SEMA6D: variants seen among roughly 807,000 people sequenced by gnomAD.
The protein encoded by SEMA6D is semaphorin-6D.
In SEMA6D, 35 loss-of-function variants were observed where a neutral mutation model predicts 106.6. That is an observed-to-expected ratio of 0.33 (90% CI 0.25 to 0.44). SEMA6D has a LOEUF of 0.44. Ranked by LOEUF, SEMA6D falls within the 20% of genes least tolerant of loss-of-function variation. SEMA6D has a pLI of 1.00. For missense variants in SEMA6D, 1,185 were observed against 1,345.9 expected (o/e 0.88, Z 1.87); for synonymous variants, 499 against 487.7 (o/e 1.02, Z -0.31).
chr15:47,374,236 T>C (rs2039372886), intron 1 of SEMA6D, among the ~76,000 whole-genome samples: 1 of 152,116 alleles, frequency 6.6e-6, no homozygotes, highest in Non-Finnish European at 1.5e-5. Context: ...GAGAAAACAA[T>C]GGGATGAGAA....
intron 3 of SEMA6D, among the ~76,000 whole-genome samples, chr15:47,571,598 G>A (rs1441794461): frequency 1.3e-5 from 2 of 152,214 alleles, no homozygotes; most frequent in East Asian, 3.8e-4. Flanking sequence ...CTATTTTGTG[G>A]CTGGGATGGT....
At chr15:47,294,062 T>G (rs1219011747) in intron 1 of SEMA6D, among the ~76,000 whole-genome samples, 1 of 152,134 alleles carries the variant, frequency 6.6e-6, no homozygotes, top group Non-Finnish European at 1.5e-5. Context: ...TCCAACATTC[T>G]TAAGAACTGC....
At chr15:47,206,521 C>T (rs1431868172) in intron 1 of SEMA6D, among the ~76,000 whole-genome samples, 1 of 152,214 alleles carries the variant, frequency 6.6e-6, no homozygotes, top group African/African-American at 2.4e-5. Flanking sequence ...CTATCAGCTT[C>T]CTTCCAGCCT....
intron 8 of SEMA6D, among the ~76,000 whole-genome samples, chr15:47,762,618 A>G (rs537761466): frequency 1.8e-4 from 27 of 152,320 alleles, no homozygotes; most frequent in African/African-American, 6.0e-4. Flanking sequence ...ACTACTTGCC[A>G]TCTACCCATC....
intron 4 of SEMA6D, among the ~76,000 whole-genome samples, chr15:47,658,520 A>G (rs1053205636): frequency 3.3e-5 from 5 of 152,208 alleles, no homozygotes; most frequent in Admixed American, 2.6e-4. Context: ...AAGACCCCTG[A>G]ATTTAAGTTT....
chr15:47,662,043 C>T (rs1490138025), intron 4 of SEMA6D, among the ~76,000 whole-genome samples: 1 of 152,134 alleles, frequency 6.6e-6, no homozygotes, highest in African/African-American at 2.4e-5. Context: ...ATCTGACTTG[C>T]CTCACTGGAA....
chr15:47,533,605 G>T (rs2045051549), intron 3 of SEMA6D, among the ~76,000 whole-genome samples: 1 of 152,190 alleles, frequency 6.6e-6, no homozygotes, highest in South Asian at 2.1e-4. Flanking sequence ...GCCGAGATGA[G>T]CTGTCAGGGT....
At chr15:47,345,868 G>T (rs1172490918) in intron 1 of SEMA6D, among the ~76,000 whole-genome samples, 2 of 152,112 alleles carry the variant, frequency 1.3e-5, no homozygotes, top group African/African-American at 4.8e-5. Context: ...ATTTGGGAGT[G>T]ATCAATATGT....
intron 3 of SEMA6D, among the ~76,000 whole-genome samples, chr15:47,555,669 C>T (rs1416136606): frequency 6.6e-6 from 1 of 152,020 alleles, no homozygotes; most frequent in Non-Finnish European, 1.5e-5. Context: ...GTCTAAGGAG[C>T]CAGAGTATTT....
At chr15:47,363,393 T>A (rs1217478093) in intron 1 of SEMA6D, among the ~76,000 whole-genome samples, 1 of 151,910 alleles carries the variant, frequency 6.6e-6, no homozygotes, top group African/African-American at 2.4e-5. Context: ...GAGTTCAGCT[T>A]CTAAGGTAAA....
intron 4 of SEMA6D, among the ~76,000 whole-genome samples, chr15:47,679,333 G>A (rs1286718210): frequency 6.6e-6 from 1 of 152,088 alleles, no homozygotes; most frequent in Non-Finnish European, 1.5e-5. Flanking sequence ...TAAAATAAAA[G>A]GATTGGACTA....
chr15:47,763,783 G>A (rs555800068), intron 9 of SEMA6D, 67 bp from the exon 10 acceptor site: 46 of 1,363,614 alleles, frequency 3.4e-5, no homozygotes, highest in Non-Finnish European at 4.2e-5. Flanking sequence ...CCCTTAAACA[G>A]TATCATTTTG....
At chr15:47,690,634 A>G (rs1021941846) in intron 4 of SEMA6D, among the ~76,000 whole-genome samples, 1 of 152,172 alleles carries the variant, frequency 6.6e-6, no homozygotes, top group African/African-American at 2.4e-5. Flanking sequence ...AGAATCTGCT[A>G]AACAACTTCT....
intron 4 of SEMA6D, among the ~76,000 whole-genome samples, chr15:47,617,549 G>T (rs1045418617): frequency 6.6e-6 from 1 of 152,082 alleles, no homozygotes; most frequent in African/African-American, 2.4e-5. Context: ...TTGTATTTTT[G>T]GTTTGGTTCT....
At chr15:47,186,475 C>G (rs1006179460) in intron 1 of SEMA6D, among the ~76,000 whole-genome samples, 1 of 151,918 alleles carries the variant, frequency 6.6e-6, no homozygotes, top group African/African-American at 2.4e-5. Context: ...TTCTCTCTCT[C>G]TCTTTTATCA....
At chr15:47,567,850 AGAAT>A (rs1164161911) in intron 3 of SEMA6D, among the ~76,000 whole-genome samples, 2 of 152,214 alleles carry the variant, frequency 1.3e-5, no homozygotes, top group Admixed American at 6.5e-5. Flanking sequence ...AATTAGTGAA[AGAAT>A]GAATGAATGA....
rs114646639 is a variant in SEMA6D, at chr15:47,240,052, C to T, written c.-239+55634C>T. On this transcript the variant is annotated intron_variant, in intron 1 of 19. Transcript: ENST00000558014. Reference sequence around the variant, plus strand: ...ACATGATTATTATCTATTTGGATCTCAGTAGTTGATAAAAGCCTGTTCTAT... The same window carrying T: ...ACATGATTATTATCTATTTGGATCTTAGTAGTTGATAAAAGCCTGTTCTAT... 5.3e-3 allele frequency among the ~76,000 whole-genome samples: 804 copies of T among 152,182 alleles called. 12 individuals carry two copies. Among genetic ancestry groups the T allele is most frequent in the African/African-American group, 0.019 (769 of 41,524 alleles).
At chr15:47,610,709 A>T (rs560478856) in intron 4 of SEMA6D, among the ~76,000 whole-genome samples, 1 of 152,334 alleles carries the variant, frequency 6.6e-6, no homozygotes, top group Admixed American at 6.5e-5. Context: ...TAATATAAGT[A>T]GCAATACTCT....
At chr15:47,378,535 T>C (rs2039526957) in intron 1 of SEMA6D, among the ~76,000 whole-genome samples, 1 of 152,184 alleles carries the variant, frequency 6.6e-6, no homozygotes, top group South Asian at 2.1e-4. Flanking sequence ...GTATTCTCTG[T>C]GCCTCAAACT....
Sources: allele counts gnomAD v4.1 joint callset (sites outside exome capture counted in the v4.1 genomes callset), GRCh38; gene constraint gnomAD v4.1.1; transcripts MANE v1.5; gene names NCBI Gene and HGNC (gene_info 2026-07-23, HGNC 2026-07-21).